The following EXOC4 variants were observed in gnomAD, a reference collection of about 807,000 sequenced individuals.
The protein encoded by EXOC4 is SEC8-like 1.
In EXOC4, 71 loss-of-function variants were observed where a neutral mutation model predicts 107.2. The observed-to-expected ratio is 0.66, with a 90% confidence interval of 0.55 to 0.81. The LOEUF (loss-of-function observed/expected upper bound fraction) is 0.81. Among genes scored for constraint, EXOC4 ranks in the 30% least tolerant of loss-of-function variants. The pLI, the probability that EXOC4 is intolerant of heterozygous loss-of-function variation, is 0.00. For synonymous variants in EXOC4, 456 were observed against 441.2 expected (o/e 1.03, Z -0.42); for missense variants, 1,108 against 1,189.6 (o/e 0.93, Z 1.01).
At chr7:133,855,136 T>TAA (rs1397544323) in intron 11 of EXOC4, among the ~76,000 whole-genome samples, 1 of 108,378 alleles carries the variant, frequency 9.2e-6, no homozygotes, top group Non-Finnish European at 1.8e-5. Context: ...TAAATATATA[T>TAA]ATATATAAAT....
chr7:133,843,150 C>T (rs1191475652), intron 11 of EXOC4, among the ~76,000 whole-genome samples: 1 of 151,924 alleles, frequency 6.6e-6, no homozygotes, highest in East Asian at 1.9e-4. Flanking sequence ...ACTATTTGGG[C>T]TCTTTTTTGG....
intron 11 of EXOC4, among the ~76,000 whole-genome samples, chr7:133,860,981 T>G (rs1798521590): frequency 6.6e-6 from 1 of 152,212 alleles, no homozygotes; most frequent in African/African-American, 2.4e-5. Context: ...ACCCTTCACT[T>G]TTCTTTATTA....
At position 134,051,723 on chromosome 7, in the gene EXOC4, C is replaced by T. The variant is rs1007746032; in HGVS notation, c.2688-12568C>T. On this transcript the variant is annotated intron_variant, in intron 17 of 17. Coordinates refer to ENST00000253861, the MANE Select transcript of EXOC4 (RefSeq NM_021807.4). ...CTACCTGGGCCGATGCAGAGGCTCA[C>T]GCCTGTAATCCCAGCACTTTGGAAG... is the stretch of plus-strand genomic sequence containing the variant. Among the ~76,000 whole-genome samples the T allele has an allele frequency of 3.5e-5, 5 of 144,032 alleles. No homozygotes were observed. In the South Asian group the frequency reaches 8.9e-4, roughly 26 times the overall value. 94.5% of individuals were successfully genotyped at this position (144,032 alleles called of 152,430 possible).
chr7:133,562,982 A>C (rs1800838150), intron 9 of EXOC4, among the ~76,000 whole-genome samples: 1 of 152,208 alleles, frequency 6.6e-6, no homozygotes, highest in African/African-American at 2.4e-5. Flanking sequence ...GCATGAAGTC[A>C]CGAAAGGAGG....
intron 11 of EXOC4, among the ~76,000 whole-genome samples, chr7:133,880,200 A>ATT (rs1798936066): frequency 6.6e-6 from 1 of 152,112 alleles, no homozygotes; most frequent in Admixed American, 6.5e-5. Flanking sequence ...CTCTTGGACT[A>ATT]TCACTGTTTC....
intron 17 of EXOC4, among the ~76,000 whole-genome samples, chr7:134,021,722 GAAAAAAA>G (rs60762484): frequency 3.9e-4 from 21 of 53,742 alleles, no homozygotes; most frequent in Admixed American, 2.8e-3. Flanking sequence ...AGTCAAACCA[GAAAAAAA>G]AAAAAAAAAA....
intron 17 of EXOC4, among the ~76,000 whole-genome samples, chr7:134,017,696 G>T (rs1794941998): frequency 6.6e-6 from 1 of 151,966 alleles, no homozygotes. Flanking sequence ...ATGCCTTACT[G>T]GTCTGCATAT....
chr7:133,367,686 C>G (rs936418519), intron 6 of EXOC4, among the ~76,000 whole-genome samples: 2 of 152,168 alleles, frequency 1.3e-5, no homozygotes. Context: ...GTCCTTTGTT[C>G]TCTTATCTTT....
chr7:134,008,482 C>CT, intron 17 of EXOC4, among the ~76,000 whole-genome samples: 1 of 151,992 alleles, frequency 6.6e-6, no homozygotes, highest in Non-Finnish European at 1.5e-5. Context: ...GAATTTTTCC[C>CT]TTTTTTTCTC....
At chr7:133,307,875 A>G (rs958699397) in intron 4 of EXOC4, among the ~76,000 whole-genome samples, 1 of 152,184 alleles carries the variant, frequency 6.6e-6, no homozygotes, top group African/African-American at 2.4e-5. Flanking sequence ...GCATCAACCA[A>G]CCACCAAAAT....
intron 6 of EXOC4, among the ~76,000 whole-genome samples, chr7:133,372,157 T>C (rs1397964521): frequency 2.0e-5 from 3 of 152,274 alleles, no homozygotes; most frequent in Non-Finnish European, 2.9e-5. Flanking sequence ...TCTCTCATTT[T>C]ATGTATTGCC....
intron 10 of EXOC4, among the ~76,000 whole-genome samples, chr7:133,793,580 C>T (rs765174015): frequency 1.3e-5 from 2 of 152,176 alleles, no homozygotes; most frequent in African/African-American, 2.4e-5. Flanking sequence ...TGCGGTGGCT[C>T]ACACCTGTAA....
Position 133,989,960 on chromosome 7 carries a change from C to T in EXOC4, c.2207-7532C>T, listed in dbSNP as rs564750613. Among the ~76,000 whole-genome samples the T allele has an allele frequency of 8.5e-5, 13 of 152,166 alleles. No individual in the cohort carries two copies. The South Asian group carries it at 1.7e-3, about 19-fold the overall frequency. ...CTTCTTTTGAAATTAAAATCCAGAA[C>T]GTTTTAGTGGCAACAATCTATACAT... On this transcript the variant is annotated intron_variant, in intron 14 of 17. Coordinates refer to ENST00000253861, the MANE Select transcript of EXOC4 (RefSeq NM_021807.4).
intron 7 of EXOC4, among the ~76,000 whole-genome samples, chr7:133,378,640 A>G (rs1010151395): frequency 1.3e-5 from 2 of 152,158 alleles, no homozygotes; most frequent in African/African-American, 4.8e-5. Flanking sequence ...TGTTTAGGGT[A>G]GCCTATGATA....
At chr7:133,755,985 T>C (rs1311685756) in intron 10 of EXOC4, among the ~76,000 whole-genome samples, 1 of 152,184 alleles carries the variant, frequency 6.6e-6, no homozygotes, top group Admixed American at 6.5e-5. Flanking sequence ...CTGATACTAA[T>C]GAAATATTTG....
At chr7:133,791,864 A>T (rs555865991) in intron 10 of EXOC4, among the ~76,000 whole-genome samples, 2 of 152,314 alleles carry the variant, frequency 1.3e-5, no homozygotes, top group South Asian at 4.2e-4. Flanking sequence ...AATATTTGGA[A>T]ATCAAACATT....
At chr7:133,653,606 G>T (rs910605679) in intron 10 of EXOC4, among the ~76,000 whole-genome samples, 8 of 152,056 alleles carry the variant, frequency 5.3e-5, no homozygotes, top group African/African-American at 1.7e-4. Flanking sequence ...CTCATTCCTT[G>T]TAAACTGTCC....
intron 10 of EXOC4, among the ~76,000 whole-genome samples, chr7:133,792,245 CA>C (rs1174491759): frequency 6.6e-6 from 1 of 152,038 alleles, no homozygotes; most frequent in African/African-American, 2.4e-5. Context: ...TTAAACAGCT[CA>C]TATTGTTTCA....
At chr7:133,434,601 A>G (rs1797926256) in intron 7 of EXOC4, among the ~76,000 whole-genome samples, 1 of 152,184 alleles carries the variant, frequency 6.6e-6, no homozygotes, top group African/African-American at 2.4e-5. Context: ...AGAAATGTAG[A>G]GGAACTGTTG....
Sources: allele counts gnomAD v4.1 joint callset (sites outside exome capture counted in the v4.1 genomes callset), GRCh38; gene constraint gnomAD v4.1.1; transcripts MANE v1.5; gene names NCBI Gene and HGNC (gene_info 2026-07-23, HGNC 2026-07-21).